TANGO6: variants seen among roughly 807,000 people sequenced by gnomAD.
TANGO6 encodes transport and golgi organization 6 homolog, also known as transport and Golgi organization protein 6 homolog.
TANGO6 carries 90 observed loss-of-function variants against 114.2 expected under a neutral mutation model. The ratio of observed to expected loss-of-function variants is 0.79; its 90% CI spans 0.66 to 0.94. The LOEUF (loss-of-function observed/expected upper bound fraction) is 0.94. TANGO6 is among the 40% of genes least tolerant of loss of function. The pLI is 0.00. For synonymous variants in TANGO6, 477 were observed against 509.8 expected (o/e 0.94, Z 0.87); for missense variants, 1,274 against 1,315.3 (o/e 0.97, Z 0.49).
At chr16:68,960,136 A>C (rs566096275) in intron 14 of TANGO6, among the ~76,000 whole-genome samples, 22 of 152,344 alleles carry the variant, frequency 1.4e-4, no homozygotes, top group African/African-American at 5.1e-4. Context: ...AGCTACATAA[A>C]GAAAATTAAA....
At chr16:68,940,618 G>A (rs1267791612) in intron 14 of TANGO6, among the ~76,000 whole-genome samples, 1 of 145,666 alleles carries the variant, frequency 6.9e-6, no homozygotes, top group Non-Finnish European at 1.5e-5. Flanking sequence ...TATACATCAG[G>A]CCGACAGGCA....
At chr16:69,016,561 A>G (rs980050252) in intron 15 of TANGO6, among the ~76,000 whole-genome samples, 2 of 152,176 alleles carry the variant, frequency 1.3e-5, no homozygotes, top group African/African-American at 2.4e-5. Context: ...AAATTAAACT[A>G]CTAAACTCTT....
chr16:68,964,116 T>A (rs972544681), intron 14 of TANGO6, among the ~76,000 whole-genome samples: 11 of 152,076 alleles, frequency 7.2e-5, no homozygotes, highest in South Asian at 2.1e-4. Context: ...ACAGATTTTT[T>A]AAAACATTTT....
chr16:68,981,945 A>T (rs1448133950), intron 15 of TANGO6, among the ~76,000 whole-genome samples: 4 of 152,236 alleles, frequency 2.6e-5, no homozygotes, highest in Admixed American at 6.5e-5. Context: ...GTTTCAGATA[A>T]GAGATACTCA....
rs888211539 is a variant in TANGO6, at chr16:69,036,000, G to T, written c.2995-4308G>T. On this transcript the variant is annotated intron_variant, in intron 16 of 17. Coordinates refer to ENST00000261778, the MANE Select transcript of TANGO6 (RefSeq NM_024562.2). Reference sequence around the variant, plus strand: ...AAAGGTTGCGGTAAGCTGCGAGCATGCCACTGTACTCCAGCCTGAGCTACA... The same window carrying T: ...AAAGGTTGCGGTAAGCTGCGAGCATTCCACTGTACTCCAGCCTGAGCTACA... 2.6e-4 allele frequency: 38 copies of T among 147,086 alleles called. 1 individual carries two copies. The highest frequency in any genetic ancestry group is 9.1e-4 in the African/African-American group (36 of 39,346). The allele number at this position is 147,086 out of a possible 1,614,324, so 9.1% of individuals were successfully genotyped here.
chr16:68,962,828 T>C (rs1045263822), intron 14 of TANGO6, among the ~76,000 whole-genome samples: 9 of 151,302 alleles, frequency 5.9e-5, no homozygotes, highest in African/African-American at 2.2e-4. Context: ...ATGCCTGTAA[T>C]CCCAGCACTT....
chr16:68,882,597 C>T (rs78731843), intron 7 of TANGO6, among the ~76,000 whole-genome samples: 2,797 of 151,874 alleles, frequency 0.018, 82 homozygotes, highest in African/African-American at 0.064. Context: ...CTTTTGATGA[C>T]GGAAAGGTTC....
At chr16:68,862,119 C>G (rs1211830326) in intron 2 of TANGO6, among the ~76,000 whole-genome samples, 2 of 151,976 alleles carry the variant, frequency 1.3e-5, no homozygotes, top group Non-Finnish European at 2.9e-5. Context: ...CTCACTGCAA[C>G]CTCCGCCTCC....
In TANGO6 at chr16:68,877,411, T is replaced by A. The variant is rs1962381903; in HGVS notation, c.1132-707T>A. 4.2e-5 allele frequency among the ~76,000 whole-genome samples: 6 copies of A among 143,470 alleles called. No homozygotes were observed. The South Asian group carries it at 1.3e-3, about 32-fold the overall frequency. The allele number at this position is 143,470 out of a possible 152,430, so 94.1% of individuals were successfully genotyped here. ...TGAACCTGGGAGGCGGAGGTTGCAG[T>A]GAGCCGAGATTGCACCACCGTATTC... On this transcript the variant is annotated intron_variant, in intron 5 of 17. Coordinates refer to ENST00000261778, the MANE Select transcript of TANGO6 (RefSeq NM_024562.2).
At chr16:68,951,779 A>ATT (rs1468134953) in intron 14 of TANGO6, among the ~76,000 whole-genome samples, 2 of 151,738 alleles carry the variant, frequency 1.3e-5, no homozygotes, top group African/African-American at 4.8e-5. Context: ...CGCCCAGCTA[A>ATT]TTTTTTGTAT....
At position 68,941,273 on chromosome 16, in the gene TANGO6, A is replaced by AT. The variant is rs796616999; in HGVS notation, c.2701+10986dup. ...GGAAATGATACATAGCTTAAGAGAA[A>AT]TTTTTTTTAAATTGGGGAAACAAAG... On this transcript the variant is annotated intron_variant, in intron 14 of 17. Coordinates refer to ENST00000261778, the MANE Select transcript of TANGO6 (RefSeq NM_024562.2). 9.2e-5 allele frequency among the ~76,000 whole-genome samples: 14 copies of AT among 152,280 alleles called. 1 individual carries two copies. Among genetic ancestry groups the AT allele is most frequent in the African/African-American group, 2.2e-4 (9 of 41,572 alleles).
intron 14 of TANGO6, 73 bp from the exon 15 acceptor site, chr16:68,973,955 C>A: frequency 6.6e-7 from 1 of 1,517,354 alleles, no homozygotes; most frequent in Non-Finnish European, 9.0e-7. Flanking sequence ...TTCATCCCAT[C>A]ACAGGGTGAC....
At chr16:68,876,800 G>A (rs1962368930) in intron 5 of TANGO6, among the ~76,000 whole-genome samples, 1 of 152,112 alleles carries the variant, frequency 6.6e-6, no homozygotes, top group East Asian at 1.9e-4. Context: ...CAGCCCGGGT[G>A]ACAGAGCGAG....
intron 17 of TANGO6, among the ~76,000 whole-genome samples, chr16:69,043,721 C>T (rs1878562959): frequency 6.6e-6 from 1 of 152,152 alleles, no homozygotes; most frequent in African/African-American, 2.4e-5. Flanking sequence ...TGGAATTTCT[C>T]TTTATGGCTC....
chr16:69,046,041 G>A (rs1194129181), intron 17 of TANGO6, among the ~76,000 whole-genome samples: 1 of 142,118 alleles, frequency 7.0e-6, no homozygotes, highest in Non-Finnish European at 1.5e-5. Flanking sequence ...TCCAGTCTGG[G>A]TGATAGAGCG....
At position 68,927,850 on chromosome 16, in the gene TANGO6, G is replaced by A; in HGVS notation, c.2410G>A (p.Ala804Thr). Reference sequence around the variant, plus strand: ...TGAACAACAGCAGAGCCATGAGACAGCCCCCCAGACAGGCCTGCAGTCAAA... The same window carrying A: ...TGAACAACAGCAGAGCCATGAGACAACCCCCCAGACAGGCCTGCAGTCAAA... ...HLEQQQSHET[A>T]PQTGLQSNAP... is the part of the protein sequence containing the mutation. The change falls in exon 13 of 18, where the codon GCC (alanine) becomes ACC (threonine). Residue 804 changes from alanine to threonine, a missense_variant. Around this residue, in one of 5 missense-constraint regions of TANGO6, gnomAD observed 908 missense variants for 910.2 expected, o/e 1.00. Coordinates refer to ENST00000261778, the MANE Select transcript of TANGO6 (RefSeq NM_024562.2). 6.2e-7 allele frequency: 1 copy of A among 1,613,938 alleles called. No individual in the cohort carries two copies. Among genetic ancestry groups the A allele is most frequent in the Non-Finnish European group, 8.5e-7 (1 of 1,179,878 alleles).
At chr16:69,072,106 GAA>G (rs1960305766) in intron 17 of TANGO6, among the ~76,000 whole-genome samples, 1 of 136,244 alleles carries the variant, frequency 7.3e-6, no homozygotes, top group Non-Finnish European at 1.6e-5. Context: ...GTGTATGTGT[GAA>G]GAGAGAGGGA....
At position 69,040,307 on chromosome 16, in the gene TANGO6, G is replaced by C. The variant is rs913406350; in HGVS notation, c.2995-1G>C. On this transcript the variant is annotated splice_acceptor_variant, in intron 16 of 17. Coordinates refer to ENST00000261778, the MANE Select transcript of TANGO6 (RefSeq NM_024562.2). LOFTEE classifies it high-confidence loss of function. ...AACTTCATCTTCCTTCATCCTCCTAGGTAACAGCTTGCCTGATTGCTGTGG... is the reference window on the plus strand; with the variant it reads ...AACTTCATCTTCCTTCATCCTCCTACGTAACAGCTTGCCTGATTGCTGTGG... 6.3e-7 allele frequency: 1 copy of C among 1,599,814 alleles called. No individual in the cohort carries two copies. The highest frequency in any genetic ancestry group is 1.1e-5 in the South Asian group (1 of 88,218).
chr16:69,027,880 G>A (rs540407704), intron 16 of TANGO6, among the ~76,000 whole-genome samples: 9 of 151,454 alleles, frequency 5.9e-5, no homozygotes, highest in Non-Finnish European at 1.3e-4. Flanking sequence ...TCCCAGGTTC[G>A]AGCAATTCTC....
Sources: allele counts gnomAD v4.1 joint callset (sites outside exome capture counted in the v4.1 genomes callset), GRCh38; gene constraint gnomAD v4.1.1; regional missense constraint gnomAD v4.1.1; transcripts MANE v1.5; gene names NCBI Gene and HGNC (gene_info 2026-07-23, HGNC 2026-07-21).